The following SLC9A7 variants were observed in gnomAD, a reference collection of about 807,000 sequenced individuals.
The protein encoded by SLC9A7 is sodium/hydrogen exchanger 7.
A neutral mutation model predicts 52.6 loss-of-function variants in SLC9A7; 19 were observed. The ratio of observed to expected loss-of-function variants is 0.36; its 90% CI spans 0.25 to 0.53. The LOEUF (loss-of-function observed/expected upper bound fraction) is 0.53, where lower values mean the gene tolerates loss of function less well. Among genes scored for constraint, SLC9A7 ranks in the 20% least tolerant of loss-of-function variants. SLC9A7 has a pLI of 0.91. For missense variants in SLC9A7, 455 were observed against 597.9 expected (o/e 0.76, Z 2.49); for synonymous variants, 226 against 252.1 (o/e 0.90, Z 0.98).
At chrX:46,652,890 G>A (rs975189311) in intron 8 of SLC9A7, among the ~76,000 whole-genome samples, 1 of 111,834 alleles carries the variant, frequency 8.9e-6, no homozygotes, top group Admixed American at 9.5e-5. Context: ...ATGAAAAACC[G>A]TGTTCACACT....
chrX:46,618,761 TG>T (rs1321381569), intron 15 of SLC9A7, among the ~76,000 whole-genome samples: 1 of 111,226 alleles, frequency 9.0e-6, no homozygotes, highest in African/African-American at 3.3e-5. Context: ...CTGGGCAACA[TG>T]GTAAAACCTC....
chrX:46,666,308 T>C (rs1223237904), intron 5 of SLC9A7, among the ~76,000 whole-genome samples: 1 of 111,411 alleles, frequency 9.0e-6, no homozygotes, highest in Non-Finnish European at 1.9e-5. Flanking sequence ...GAAGTTCTAC[T>C]ATGTTGCCCA....
At chrX:46,684,850 T>C in intron 1 of SLC9A7, 1 of 132,150 alleles carries the variant, frequency 7.6e-6, no homozygotes. Context: ...TGCTGGTAAC[T>C]GAAGTTGGGG....
At chrX:46,707,424 C>T (rs1307116233) in intron 1 of SLC9A7, among the ~76,000 whole-genome samples, 2 of 111,732 alleles carry the variant, frequency 1.8e-5, no homozygotes, top group East Asian at 5.6e-4. Flanking sequence ...CAGGCAGCCC[C>T]TACCAAAAAG....
intron 7 of SLC9A7, among the ~76,000 whole-genome samples, chrX:46,658,918 C>T (rs1354920169): frequency 9.0e-6 from 1 of 110,506 alleles, no homozygotes; most frequent in Non-Finnish European, 1.9e-5. Context: ...GAGACACAAC[C>T]AAAAAAGAGA....
At chrX:46,730,670 T>TA (rs1491295251) in intron 1 of SLC9A7, among the ~76,000 whole-genome samples, 24 of 42,915 alleles carry the variant, frequency 5.6e-4, no homozygotes, top group African/African-American at 1.5e-3. Context: ...AAAAAAAAAA[T>TA]TATATATATA....
chrX:46,677,795 T>C (rs1230451220), intron 3 of SLC9A7, among the ~76,000 whole-genome samples: 2 of 112,136 alleles, frequency 1.8e-5, no homozygotes, highest in African/African-American at 6.5e-5. Context: ...ATTGGTATTA[T>C]TTCTTCCATA....
chrX:46,706,358 T>A lies in SLC9A7; in HGVS notation c.326-23823A>T, dbSNP rs1944605837. 3.7e-5 allele frequency among the ~76,000 whole-genome samples: 4 copies of A among 107,387 alleles called. No individual in the cohort carries two copies. In the South Asian group the frequency reaches 1.7e-3, roughly 46 times the overall value. 93.3% of individuals were successfully genotyped at this position (107,387 alleles called of 115,157 possible). On this transcript the variant is annotated intron_variant, in intron 1 of 16. Coordinates refer to ENST00000616978, the MANE Select transcript of SLC9A7 (RefSeq NM_001257291.2). ...AGGTAGCTGGAAGGTATAGATGTAA[T>A]AAGACGGATCATGAGCTGGTAATTA...
At chrX:46,612,079 C>T (rs918364428) in intron 16 of SLC9A7, among the ~76,000 whole-genome samples, 1 of 111,944 alleles carries the variant, frequency 8.9e-6, no homozygotes, top group Non-Finnish European at 1.9e-5. Context: ...CATGAGGGTC[C>T]CAGCTAATTA....
chrX:46,668,992 C>T (rs1052347819), intron 5 of SLC9A7, among the ~76,000 whole-genome samples: 2 of 109,449 alleles, frequency 1.8e-5, no homozygotes, highest in African/African-American at 3.3e-5. Flanking sequence ...ACGGTGAAAC[C>T]CTGTCTCTAC....
At chrX:46,713,513 A>T (rs1161362953) in intron 1 of SLC9A7, among the ~76,000 whole-genome samples, 2 of 107,720 alleles carry the variant, frequency 1.9e-5, no homozygotes, top group African/African-American at 6.7e-5. Context: ...AAAAAAATTA[A>T]AAAAAAAAGA....
chrX:46,678,100 T>C (rs1001804958), intron 3 of SLC9A7, among the ~76,000 whole-genome samples: 14 of 112,015 alleles, frequency 1.2e-4, no homozygotes, highest in African/African-American at 4.5e-4. Context: ...TGTAGTAAAG[T>C]CCCTTCTTTT....
At chrX:46,621,676 G>A (rs1263408441) in intron 14 of SLC9A7, among the ~76,000 whole-genome samples, 8 of 112,062 alleles carry the variant, frequency 7.1e-5, no homozygotes, top group African/African-American at 2.6e-4. Context: ...CAAGTTCCTT[G>A]CTACTCTCAT....
rs773434512 is a variant in SLC9A7, at chrX:46,649,391, T to G, written c.1351-594A>C. Reference sequence around the variant, plus strand: ...CCACACTAAAAGACATTCAGATCACTCATAGGAATGAACCCAGGGAGATAT... The same window carrying G: ...CCACACTAAAAGACATTCAGATCACGCATAGGAATGAACCCAGGGAGATAT... On this transcript the variant is annotated intron_variant, in intron 10 of 16. Coordinates refer to ENST00000616978, the MANE Select transcript of SLC9A7 (RefSeq NM_001257291.2). 4.4e-5 allele frequency among the ~76,000 whole-genome samples: 5 copies of G among 112,437 alleles called. No homozygotes were observed. In the South Asian group the frequency reaches 1.8e-3, roughly 41 times the overall value.
intron 14 of SLC9A7, among the ~76,000 whole-genome samples, chrX:46,631,090 C>A (rs1943214252): frequency 8.9e-6 from 1 of 112,204 alleles, no homozygotes; most frequent in South Asian, 3.7e-4. Flanking sequence ...CACCTGGGGC[C>A]GTGGACTTCA....
At chrX:46,652,629 G>A (rs1172412578) in intron 8 of SLC9A7, among the ~76,000 whole-genome samples, 2 of 112,138 alleles carry the variant, frequency 1.8e-5, no homozygotes, top group African/African-American at 6.5e-5. Flanking sequence ...TAAGGAAGTG[G>A]GGCATTTTGT....
At chrX:46,707,393 G>C (rs1232579494) in intron 1 of SLC9A7, among the ~76,000 whole-genome samples, 1 of 112,004 alleles carries the variant, frequency 8.9e-6, no homozygotes, top group Non-Finnish European at 1.9e-5. Flanking sequence ...GACAGTAGGA[G>C]ATCACTTGAG....
At chrX:46,724,311 G>A (rs1379154529) in intron 1 of SLC9A7, among the ~76,000 whole-genome samples, 5 of 111,657 alleles carry the variant, frequency 4.5e-5, no homozygotes, top group Non-Finnish European at 7.5e-5. Flanking sequence ...TAGAGAAGTT[G>A]AATAGACTAC....
chrX:46,698,946 G>A (rs1944489076), intron 1 of SLC9A7, among the ~76,000 whole-genome samples: 1 of 111,304 alleles, frequency 9.0e-6, no homozygotes, highest in South Asian at 3.8e-4. Context: ...GACAGTGGCT[G>A]AGTTTAATTA....
Sources: gnomAD v4.1 joint callset for allele counts (sites outside exome capture counted in the v4.1 genomes callset) on GRCh38, gnomAD v4.1.1 for gene constraint, MANE v1.5 for transcripts, NCBI Gene and HGNC (gene_info 2026-07-23, HGNC 2026-07-21) for gene names.